Variants in PKD2L2 observed in about 807,000 individuals in gnomAD.
PKD2L2 encodes the protein polycystin 2 like 2, transient receptor potential cation channel, also known as polycystin-2-like protein 2.
A neutral mutation model predicts 83.9 loss-of-function variants in PKD2L2; 67 were observed. That is an observed-to-expected ratio of 0.80 (90% CI 0.66 to 0.98). The LOEUF (loss-of-function observed/expected upper bound fraction) is 0.98, where lower values mean the gene tolerates loss of function less well. Among genes scored for constraint, PKD2L2 ranks in the 50% least tolerant of loss-of-function variants. The pLI is 0.00. For synonymous variants in PKD2L2, 223 were observed against 237.8 expected (o/e 0.94, Z 0.57); for missense variants, 632 against 717.2 (o/e 0.88, Z 1.36).
intron 14 of PKD2L2, among the ~76,000 whole-genome samples, chr5:137,936,677 G>A (rs1046810700): frequency 2.0e-5 from 3 of 152,272 alleles, no homozygotes; most frequent in Admixed American, 1.3e-4. Context: ...GGATCGTCTC[G>A]ATCTCCTGAC....
intron 14 of PKD2L2, chr5:137,940,472 A>C (rs1761347907): frequency 1.7e-6 from 1 of 592,088 alleles, no homozygotes; most frequent in Non-Finnish European, 2.8e-6. Flanking sequence ...GTTCTGTTAA[A>C]AAAAAAAAAA....
chr5:137,892,635 G>T, intron 3 of PKD2L2, 22 bp downstream of exon 3: 1 of 1,604,804 alleles, frequency 6.2e-7, no homozygotes, highest in Non-Finnish European at 8.5e-7. Context: ...TGTGACTGTG[G>T]ATGAAGTAGA....
At chr5:137,926,544 G>A (rs1759392903) in intron 12 of PKD2L2, among the ~76,000 whole-genome samples, 1 of 152,080 alleles carries the variant, frequency 6.6e-6, no homozygotes, top group African/African-American at 2.4e-5. Flanking sequence ...TTGTGGTGCT[G>A]GATTGGAATC....
chr5:137,937,709 T>C (rs1317473392), intron 14 of PKD2L2, among the ~76,000 whole-genome samples: 2 of 152,192 alleles, frequency 1.3e-5, no homozygotes, highest in African/African-American at 4.8e-5. Context: ...GGATAATTCA[T>C]TGTAACAAGA....
chr5:137,897,468 T>C (rs1293578051), intron 4 of PKD2L2, among the ~76,000 whole-genome samples: 2 of 152,242 alleles, frequency 1.3e-5, no homozygotes, highest in African/African-American at 4.8e-5. Context: ...TTTTAAGAAT[T>C]TTAATATTCC....
At chr5:137,923,662 G>A (rs1759127078) in intron 10 of PKD2L2, 141 bp downstream of exon 10, 1 of 626,114 alleles carries the variant, frequency 1.6e-6, no homozygotes, top group South Asian at 1.8e-5. Context: ...TTTGTTTTGT[G>A]TTTTGATCCA....
At chr5:137,914,422 AAC>A (rs1456234868) in intron 8 of PKD2L2, among the ~76,000 whole-genome samples, 1 of 152,110 alleles carries the variant, frequency 6.6e-6, no homozygotes, top group East Asian at 1.9e-4. Flanking sequence ...CCCAAATCAA[AAC>A]ACTTCTGGTT....
intron 2 of PKD2L2, among the ~76,000 whole-genome samples, chr5:137,891,874 A>G (rs951864285): frequency 1.3e-5 from 2 of 152,040 alleles, no homozygotes; most frequent in Non-Finnish European, 2.9e-5. Flanking sequence ...TAGTAGAGAC[A>G]GGGTTTTCAC....
In PKD2L2 at chr5:137,907,741, G is replaced by T; in HGVS notation, c.976-1G>T. ...TTAACCCTTCTTATTTTCCCATTTA[G>T]TTGTGTTTTGTGGCTGTTTCCTTCA... On this transcript the variant is annotated splice_acceptor_variant, in intron 6 of 14. Transcript: ENST00000508883. LOFTEE classifies it high-confidence loss of function. 2.0e-6 allele frequency: 3 copies of T among 1,478,138 alleles called. No individual in the cohort carries two copies. The highest frequency in any genetic ancestry group is 2.7e-6 in the Non-Finnish European group (3 of 1,102,672). The allele number at this position is 1,478,138 out of a possible 1,614,324, so 91.6% of individuals were successfully genotyped here.
At position 137,925,076 on chromosome 5, in the gene PKD2L2, A is replaced by C. The variant is rs1430695158; in HGVS notation, c.1588A>C (p.Lys530Gln). 64 of 1,605,284 alleles carry C rather than the reference A, an allele frequency of 4.0e-5. No individual in the cohort carries two copies. The highest frequency in any genetic ancestry group is 5.3e-5 in the Non-Finnish European group (62 of 1,172,312). ...KNVLEKFRLK[K>Q]AQKDEDKKTK... ...TGTTCTCGAGAAATTCAGACTGAAG[A>C]AAGCTCAAAAAGATGAAGACAAGAA... The change falls in exon 11 of 15, where the codon AAA becomes CAA. Residue 530 changes from lysine to glutamine, a missense_variant. Coordinates refer to ENST00000508883, the MANE Select transcript of PKD2L2 (RefSeq NM_001300921.2).
At chr5:137,903,713 G>A (rs1056847424) in intron 5 of PKD2L2, among the ~76,000 whole-genome samples, 5 of 152,076 alleles carry the variant, frequency 3.3e-5, no homozygotes, top group African/African-American at 1.2e-4. Context: ...ACAATGTGAT[G>A]TTACTTTTCC....
At chr5:137,913,012 C>T (rs1757981042) in intron 8 of PKD2L2, among the ~76,000 whole-genome samples, 1 of 150,524 alleles carries the variant, frequency 6.6e-6, no homozygotes, top group African/African-American at 2.4e-5. Context: ...CCATGTTGGT[C>T]AGGCCGGTCT....
rs373960158 is a variant in PKD2L2, at chr5:137,899,675, T to G, written c.684T>G (p.Thr228=). 1.2e-6 allele frequency: 2 copies of G among 1,612,902 alleles called. No homozygotes were observed. The highest frequency in any genetic ancestry group is 8.5e-7 in the Non-Finnish European group (1 of 1,178,948). Residue 228 remains threonine, a synonymous_variant, in exon 5 of 15, where the codon ACT becomes ACG. Transcript: ENST00000508883. ...LRLNSWITRG[T]RVIFIDFSLY... ...TGAACAGCTGGATCACAAGAGGGAC[T>G]AGAGTTATTTTTATTGATTTTTCCT...
At chr5:137,893,366 T>G (rs1430485811) in intron 3 of PKD2L2, among the ~76,000 whole-genome samples, 21 of 152,210 alleles carry the variant, frequency 1.4e-4, no homozygotes, top group Admixed American at 1.4e-3. Flanking sequence ...GGAATAGACT[T>G]GCTTTTTCCA....
chr5:137,918,543 A>C (rs571971210), intron 8 of PKD2L2, among the ~76,000 whole-genome samples: 4 of 152,356 alleles, frequency 2.6e-5, no homozygotes, highest in African/African-American at 9.6e-5. Flanking sequence ...TGAAAGACAT[A>C]GTATTTATTC....
chr5:137,913,534 G>A (rs1758047113), intron 8 of PKD2L2, among the ~76,000 whole-genome samples: 1 of 144,310 alleles, frequency 6.9e-6, no homozygotes, highest in African/African-American at 2.6e-5. Flanking sequence ...TGTCACCCAG[G>A]CTCTGAAATG....
At chr5:137,906,957 A>C (rs986195016) in intron 6 of PKD2L2, among the ~76,000 whole-genome samples, 5 of 152,190 alleles carry the variant, frequency 3.3e-5, no homozygotes, top group African/African-American at 4.8e-5. Context: ...AACACCAAAG[A>C]CCATCAGTTC....
intron 1 of PKD2L2, 145 bp from the exon 2 acceptor site, chr5:137,890,336 A>T (rs1182078527): frequency 6.9e-6 from 4 of 579,314 alleles, no homozygotes; most frequent in Non-Finnish European, 1.2e-5. Flanking sequence ...CCTGCCTCGT[A>T]AAACTAAGAA....
chr5:137,942,312 C>A, intron 14 of PKD2L2, 72 bp from the exon 15 acceptor site: 1 of 418,842 alleles, frequency 2.4e-6, no homozygotes, highest in Non-Finnish European at 4.2e-6. Context: ...ACAAAAAGAT[C>A]AACTCGCAAC....
Sources: allele counts gnomAD v4.1 joint callset (sites outside exome capture counted in the v4.1 genomes callset), GRCh38; gene constraint gnomAD v4.1.1; transcripts MANE v1.5; gene names NCBI Gene and HGNC (gene_info 2026-07-23, HGNC 2026-07-21).